The following CAMTA1 variants were observed in gnomAD, a reference collection of about 807,000 sequenced individuals.
CAMTA1 encodes calmodulin binding transcription activator 1.
Under a neutral mutation model 170.9 loss-of-function variants are expected in CAMTA1, and 27 were observed. The observed-to-expected ratio is 0.16, with a 90% confidence interval of 0.12 to 0.22. The LOEUF (loss-of-function observed/expected upper bound fraction) is 0.22, where lower values mean the gene tolerates loss of function less well. Ranked by LOEUF, CAMTA1 falls within the 10% of genes least tolerant of loss-of-function variation. The probability of loss-of-function intolerance (pLI) is 1.00; values close to 1 mark genes in which losing one functional copy is unlikely to be tolerated. For synonymous variants in CAMTA1, 833 were observed against 891.5 expected, an observed-to-expected ratio of 0.93 and a Z score of 1.17; for missense variants, 1,619 against 2,217.2, an observed-to-expected ratio of 0.73 and a Z score of 5.42.
chr1:7,314,505 A>G (rs377536905), intron 5 of CAMTA1, among the ~76,000 whole-genome samples: 1 of 152,200 alleles, frequency 6.6e-6, no homozygotes, highest in Admixed American at 6.5e-5. Flanking sequence ...GTGGTTCCCA[A>G]CTGCCATCTC....
chr1:7,522,738 A>G (rs2094382057), intron 6 of CAMTA1, among the ~76,000 whole-genome samples: 1 of 152,160 alleles, frequency 6.6e-6, no homozygotes, highest in East Asian at 1.9e-4. Context: ...TGGATATCCA[A>G]TTGCTCCAAT....
chr1:7,053,115 T>C (rs1162956224), intron 3 of CAMTA1, among the ~76,000 whole-genome samples: 1 of 152,224 alleles, frequency 6.6e-6, no homozygotes, highest in South Asian at 2.1e-4. Flanking sequence ...ACCCTCATGC[T>C]CCTTGCCAAG....
intron 3 of CAMTA1, among the ~76,000 whole-genome samples, chr1:6,952,880 T>A (rs887486533): frequency 4.6e-5 from 7 of 152,000 alleles, no homozygotes; most frequent in Non-Finnish European, 1.0e-4. Flanking sequence ...TGCAGGGAAC[T>A]TGGAACATAC....
chr1:6,841,843 G>C (rs964732266), intron 3 of CAMTA1, among the ~76,000 whole-genome samples: 1 of 152,188 alleles, frequency 6.6e-6, no homozygotes, highest in African/African-American at 2.4e-5. Flanking sequence ...AGAAGGTACT[G>C]ATGACTCCTG....
At chr1:7,553,977 T>G (rs2094843262) in intron 6 of CAMTA1, among the ~76,000 whole-genome samples, 1 of 152,166 alleles carries the variant, frequency 6.6e-6, no homozygotes. Flanking sequence ...TCAGGTTCTT[T>G]CAGTGGGCCA....
At chr1:7,705,458 C>T (rs185363172) in intron 11 of CAMTA1, among the ~76,000 whole-genome samples, 1 of 149,264 alleles carries the variant, frequency 6.7e-6, no homozygotes, top group Non-Finnish European at 1.5e-5. Context: ...TGGAGTGGTG[C>T]GAGGACGCGC....
In CAMTA1 at chr1:7,063,839, A is replaced by G. The variant is rs1708603748; in HGVS notation, c.235-27465A>G. On this transcript the variant is annotated intron_variant, in intron 3 of 22. Coordinates refer to ENST00000303635, the MANE Select transcript of CAMTA1 (RefSeq NM_015215.4). The surrounding 1 kb of genome is among the most constrained non-coding windows in gnomAD (Gnocchi z 4.3). ...GGACATTTTCTGCCTCCTGAAGTTC[A>G]TATTTTGTTGGGGGAGAGAGAAAAA... Among the ~76,000 whole-genome samples, 1 of 152,212 alleles carries G rather than the reference A, an allele frequency of 6.6e-6. No individual in the cohort carries two copies. The highest frequency in any genetic ancestry group is 2.1e-4 in the South Asian group (1 of 4,832).
intron 3 of CAMTA1, among the ~76,000 whole-genome samples, chr1:6,936,118 T>C (rs932212284): frequency 6.6e-6 from 1 of 152,238 alleles, no homozygotes; most frequent in African/African-American, 2.4e-5. Flanking sequence ...GTGCCCTGAC[T>C]GAGGTGGAAA....
At chr1:7,704,075 C>T (rs1280393658) in intron 11 of CAMTA1, among the ~76,000 whole-genome samples, 1 of 151,746 alleles carries the variant, frequency 6.6e-6, no homozygotes, top group Non-Finnish European at 1.5e-5. Context: ...GGTCCTCGGG[C>T]CCCGGCCCCC....
intron 5 of CAMTA1, among the ~76,000 whole-genome samples, chr1:7,292,753 A>C (rs1261678404): frequency 1.3e-5 from 2 of 152,182 alleles, no homozygotes; most frequent in African/African-American, 4.8e-5. Flanking sequence ...ACTCCTCTGC[A>C]CCCACGGACC....
intron 11 of CAMTA1, among the ~76,000 whole-genome samples, chr1:7,701,578 G>A (rs1356097564): frequency 1.1e-4 from 16 of 151,492 alleles, no homozygotes; most frequent in African/African-American, 7.3e-5. Context: ...ACCACACCCC[G>A]CTAATTTTTT....
At chr1:7,597,937 C>CT (rs557066791) in intron 6 of CAMTA1, among the ~76,000 whole-genome samples, 294 of 145,500 alleles carry the variant, frequency 2.0e-3, no homozygotes, top group African/African-American at 4.8e-3. Flanking sequence ...CCGTCATCTA[C>CT]TTTTTTTTTT....
Position 7,738,035 on chromosome 1 carries a change from G to A in CAMTA1, c.3735G>A (p.Lys1245=). Reference sequence around the variant, plus strand: ...ACAAAGATTATCCGGCTCCCAAAAAGCATAAATTGAACCCTGAGTACTTCC... The same window carrying A: ...ACAAAGATTATCCGGCTCCCAAAAAACATAAATTGAACCCTGAGTACTTCC... ...ESHKDYPAPK[K]HKLNPEYFQT... Residue 1245 remains lysine, a synonymous_variant, in exon 16 of 23, where the codon AAG becomes AAA. Transcript: ENST00000303635. This position sits in a 1 kb window ranked among gnomAD's most constrained non-coding sequence, Gnocchi z 4.9. 6.2e-7 allele frequency: 1 copy of A among 1,614,084 alleles called. No homozygotes were observed. Among genetic ancestry groups the A allele is most frequent in the Non-Finnish European group, 8.5e-7 (1 of 1,180,026 alleles).
At chr1:7,226,649 GGTAAGTGA>G (rs1299907606) in intron 4 of CAMTA1, among the ~76,000 whole-genome samples, 47 of 152,030 alleles carry the variant, frequency 3.1e-4, no homozygotes, top group Non-Finnish European at 4.4e-5. Flanking sequence ...ATAGGTGCTG[GGTAAGTGA>G]AGAATTCTAT....
intron 6 of CAMTA1, among the ~76,000 whole-genome samples, chr1:7,519,461 G>T (rs2094331091): frequency 6.6e-6 from 1 of 151,962 alleles, no homozygotes; most frequent in Non-Finnish European, 1.5e-5. Context: ...CCCTTTGGAG[G>T]CATTCAAGGA....
At chr1:7,614,143 G>A (rs1191222002) in intron 6 of CAMTA1, among the ~76,000 whole-genome samples, 1 of 152,090 alleles carries the variant, frequency 6.6e-6, no homozygotes, top group Non-Finnish European at 1.5e-5. Flanking sequence ...ATTTTGGCAG[G>A]AGAAATGAGG....
chr1:7,531,956 CTA>C (rs1165746027), intron 6 of CAMTA1, among the ~76,000 whole-genome samples: 2 of 152,176 alleles, frequency 1.3e-5, no homozygotes, highest in East Asian at 3.9e-4. Flanking sequence ...TCTAACGCAC[CTA>C]CAAAATGCCC....
intron 4 of CAMTA1, among the ~76,000 whole-genome samples, chr1:7,137,283 T>G (rs1297694911): frequency 3.3e-5 from 5 of 152,214 alleles, no homozygotes; most frequent in Non-Finnish European, 5.9e-5. Context: ...ACCTTTCTCC[T>G]GAACTGTTGG....
intron 22 of CAMTA1, among the ~76,000 whole-genome samples, chr1:7,758,399 G>T (rs544852249): frequency 6.6e-6 from 1 of 152,328 alleles, no homozygotes; most frequent in East Asian, 1.9e-4. Context: ...ATCTATGCAA[G>T]TTTGAGAGAT....
Sources: gnomAD v4.1 joint callset for allele counts (sites outside exome capture counted in the v4.1 genomes callset) on GRCh38, gnomAD v4.1.1 for gene constraint, Gnocchi (gnomAD v3.1) non-coding constraint, MANE v1.5 for transcripts, NCBI Gene and HGNC (gene_info 2026-07-23, HGNC 2026-07-21) for gene names.